Variants in DIPK1B observed in about 807,000 individuals in gnomAD.
DIPK1B encodes the protein divergent protein kinase domain 1B, also known as family with sequence similarity 69 member B.
A neutral mutation model predicts 20.7 loss-of-function variants in DIPK1B; 17 were observed. That is an observed-to-expected ratio of 0.82 (90% CI 0.56 to 1.23). The LOEUF is 1.23. DIPK1B is among the 50% of genes most tolerant of loss of function. DIPK1B has a pLI of 0.00. For synonymous variants in DIPK1B, 343 were observed against 276.5 expected (o/e 1.24, Z -2.39); for missense variants, 648 against 601.8 (o/e 1.08, Z -0.80).
intron 1 of DIPK1B, among the ~76,000 whole-genome samples, chr9:136,717,110 T>G (rs1249188111): frequency 1.3e-5 from 2 of 151,724 alleles, no homozygotes; most frequent in African/African-American, 4.8e-5. Flanking sequence ...ATGCCTGTAG[T>G]CCCAGTTACT....
chr9:136,717,238 A>C (rs1846511384), intron 1 of DIPK1B, among the ~76,000 whole-genome samples: 1 of 152,098 alleles, frequency 6.6e-6, no homozygotes, highest in Non-Finnish European at 1.5e-5. Context: ...CAAAAAAAAA[A>C]AAAAAATTTC....
chr9:136,719,012 C>T (rs1846547198), intron 2 of DIPK1B, among the ~76,000 whole-genome samples: 1 of 152,116 alleles, frequency 6.6e-6, no homozygotes, highest in Admixed American at 6.5e-5. Context: ...CTGAGCCCAG[C>T]AGGGCCGGAG....
At chr9:136,719,361 C>T (rs544469501) in intron 2 of DIPK1B, among the ~76,000 whole-genome samples, 5 of 152,294 alleles carry the variant, frequency 3.3e-5, no homozygotes, top group South Asian at 2.1e-4. Flanking sequence ...CCAGCTCTCC[C>T]GAAGCCACCC....
chr9:136,712,814 GGGGCCCC>G lies in DIPK1B; in HGVS notation c.63+90_63+96del, dbSNP rs965398303. 76 of 997,938 alleles carry G rather than the reference GGGGCCCC, an allele frequency of 7.6e-5. No individual in the cohort carries two copies. The highest frequency in any genetic ancestry group is 9.1e-5 in the Non-Finnish European group (71 of 777,334). 61.8% of individuals were successfully genotyped at this position (997,938 alleles called of 1,614,324 possible). ...CCCCGGAGTGGGCCGAGTACGGAGCGGGGCCCCGGGTTCGGACACGAAGGGTTCATGA... is the reference window on the plus strand; with the variant it reads ...CCCCGGAGTGGGCCGAGTACGGAGCGGGGTTCGGACACGAAGGGTTCATGA... On this transcript the variant is annotated intron_variant, in intron 1 of 4. Coordinates refer to ENST00000371692, the MANE Select transcript of DIPK1B (RefSeq NM_152421.4). The surrounding 1 kb of genome is among the most constrained non-coding windows in gnomAD (Gnocchi z 5.6).
Position 136,712,688 on chromosome 9 carries a change from C to A in DIPK1B, c.23C>A (p.Ala8Glu). ...ACCATGCGGCGGCTGCGGCGCCTGG[C>A]GCACCTGGTGCTCTTCTGCCCCTTC... is the stretch of plus-strand genomic sequence containing the variant. MRRLRRL[A>E]HLVLFCPFSK... The change falls in exon 1 of 5, where the codon GCG becomes GAG. Residue 8 changes from alanine to glutamate, a missense_variant. Transcript: ENST00000371692. The surrounding 1 kb of genome is among the most constrained non-coding windows in gnomAD (Gnocchi z 5.6). 3.0e-6 allele frequency: 4 copies of A among 1,327,914 alleles called. No individual in the cohort carries two copies. The highest frequency in any genetic ancestry group is 3.8e-6 in the Non-Finnish European group (4 of 1,039,476). 82.3% of individuals were successfully genotyped at this position (1,327,914 alleles called of 1,614,324 possible). A position where few individuals can be genotyped will look rare whatever the true frequency, so the allele number is the denominator to read the frequency against.
At chr9:136,722,918 A>G (rs2131048633) in intron 4 of DIPK1B, 44 bp from the exon 5 acceptor site, 3 of 1,540,856 alleles carry the variant, frequency 1.9e-6, no homozygotes, top group Non-Finnish European at 2.6e-6. Context: ...GCTCCCAGAC[A>G]TCAAATCAGC....
chr9:136,720,396 G>T (rs931485589), intron 2 of DIPK1B, among the ~76,000 whole-genome samples: 2 of 152,098 alleles, frequency 1.3e-5, no homozygotes, highest in African/African-American at 4.8e-5. Flanking sequence ...GTGTTCCGCA[G>T]CTCCCTTCCC....
Position 136,720,643 on chromosome 9 carries a change from G to A in DIPK1B, c.199-1278G>A, listed in dbSNP as rs138353252. ...AAGTCTCCCTGGGGGTCTGGCTAAG[G>A]AGGGGGCCTGTGGGACAGGGAAGGA... On this transcript the variant is annotated intron_variant, in intron 2 of 4. Transcript: ENST00000371692. Among the ~76,000 whole-genome samples, 17 of 152,320 alleles carry A rather than the reference G, an allele frequency of 1.1e-4. No homozygotes were observed. In the East Asian group the frequency reaches 3.3e-3, roughly 29 times the overall value.
intron 1 of DIPK1B, among the ~76,000 whole-genome samples, chr9:136,713,213 G>C (rs1846450880): frequency 6.6e-6 from 1 of 152,074 alleles, no homozygotes; most frequent in Non-Finnish European, 1.5e-5. Flanking sequence ...GGGCCTGGCC[G>C]GGTCCGCAGG....
At position 136,717,573 on chromosome 9, in the gene DIPK1B, A is replaced by AGGGAGC. The variant is rs771319578; in HGVS notation, c.64-4_64-3insGGGAGC. On this transcript the variant is annotated splice_region_variant and splice_polypyrimidine_tract_variant and intron_variant, in intron 1 of 4. Transcript: ENST00000371692. ...ACCTCCTCACGCAGCCCCTTCCCCC[A>AGGGAGC]CAGGGCCGGCTCCCAGGCCTCAGGG... 1 of 1,598,174 alleles carries AGGGAGC rather than the reference A, an allele frequency of 6.3e-7. No homozygotes were observed. The highest frequency in any genetic ancestry group is 1.1e-5 in the South Asian group (1 of 90,916).
intron 4 of DIPK1B, 86 bp downstream of exon 4, chr9:136,722,387 C>CCTTTGTGCTGG: frequency 6.9e-7 from 1 of 1,444,696 alleles, no homozygotes; most frequent in Non-Finnish European, 9.4e-7. Context: ...ACATGCCCAG[C>CCTTTGTGCTGG]GCAAAGGCAC....
Position 136,723,940 on chromosome 9 carries a change from C to A in DIPK1B, c.*166C>A. The A allele has an allele frequency of 1.4e-6, 1 of 722,462 alleles. No individual in the cohort carries two copies. The highest frequency in any genetic ancestry group is 2.2e-6 in the Non-Finnish European group (1 of 448,174). 44.8% of individuals were successfully genotyped at this position (722,462 alleles called of 1,614,324 possible). A position where few individuals can be genotyped will look rare whatever the true frequency, so the allele number is the denominator to read the frequency against. On this transcript the variant is annotated 3_prime_UTR_variant, in exon 5 of 5. Coordinates refer to ENST00000371692, the MANE Select transcript of DIPK1B (RefSeq NM_152421.4). ...CAGCACCACAGACATGAGACCCCAGCTCGGAGCAAAGGCGGACATGGACAT... is the reference window on the plus strand; with the variant it reads ...CAGCACCACAGACATGAGACCCCAGATCGGAGCAAAGGCGGACATGGACAT...
rs1382988252 is a variant in DIPK1B, at chr9:136,718,167, CCTGGG to C, written c.198+457_198+461del. ...GACCCCCGTGTGCTGGCCTCACTGG[CCTGGG>C]ATAGAGACCACCGTGTGCTGGCCTC... On this transcript the variant is annotated intron_variant, in intron 2 of 4. Transcript: ENST00000371692. 2.3e-4 allele frequency among the ~76,000 whole-genome samples: 7 copies of C among 30,492 alleles called. 1 individual carries two copies. The highest frequency in any genetic ancestry group is 4.9e-4 in the Non-Finnish European group (6 of 12,282). 20.0% of individuals were successfully genotyped at this position (30,492 alleles called of 152,430 possible). A position where few individuals can be genotyped will look rare whatever the true frequency, so the allele number is the denominator to read the frequency against.
chr9:136,722,034 G>A lies in DIPK1B; in HGVS notation c.306+6G>A. ...CGGTGGCCCCGGGCCAGCAGGTATA[G>A]CCACTGGCAGGGCGGGTGGGCCTGG... On this transcript the variant is annotated splice_donor_region_variant and intron_variant, in intron 3 of 4. Coordinates refer to ENST00000371692, the MANE Select transcript of DIPK1B (RefSeq NM_152421.4). 1 of 1,613,460 alleles carries A rather than the reference G, an allele frequency of 6.2e-7. No individual in the cohort carries two copies. The highest frequency in any genetic ancestry group is 8.5e-7 in the Non-Finnish European group (1 of 1,179,922).
intron 2 of DIPK1B, among the ~76,000 whole-genome samples, chr9:136,719,178 T>G (rs1003288671): frequency 1.3e-5 from 2 of 151,988 alleles, no homozygotes; most frequent in African/African-American, 4.8e-5. Context: ...GAGCAGAGGA[T>G]TCACGTGGCC....
rs1403702956 is a variant in DIPK1B at position 136,723,779 on chromosome 9, G to A, written c.*5G>A. The A allele has an allele frequency of 6.5e-7, 1 of 1,533,130 alleles. No homozygotes were observed. The highest frequency in any genetic ancestry group is 8.7e-7 in the Non-Finnish European group (1 of 1,145,982). The allele number at this position is 1,533,130 out of a possible 1,614,324, so 95.0% of individuals were successfully genotyped here. On this transcript the variant is annotated 3_prime_UTR_variant, in exon 5 of 5. Coordinates refer to ENST00000371692, the MANE Select transcript of DIPK1B (RefSeq NM_152421.4). ...TCCAACACCAAGTACTCTTGATGGG[G>A]CAGTGAGGGGCCTGGCCACCCTTCC...
intron 2 of DIPK1B, 108 bp downstream of exon 2, chr9:136,717,819 A>T: frequency 6.6e-7 from 1 of 1,517,628 alleles, no homozygotes; most frequent in Admixed American, 1.9e-5. Context: ...AGGGCCCACG[A>T]GGCACGTGGG....
At position 136,722,898 on chromosome 9, in the gene DIPK1B, G is replaced by C. The variant is rs1488814805; in HGVS notation, c.484-64G>C. The C allele has an allele frequency of 4.1e-6, 6 of 1,479,980 alleles. No individual in the cohort carries two copies. The Admixed American group carries it at 1.3e-4, about 32-fold the overall frequency. 91.7% of individuals were successfully genotyped at this position (1,479,980 alleles called of 1,614,324 possible). Reference sequence around the variant, plus strand: ...ACCCCGCCAGGAGGACCAGGTAAAGGCCAGGTCGTGCTCCCAGACATCAAA... The same window carrying C: ...ACCCCGCCAGGAGGACCAGGTAAAGCCCAGGTCGTGCTCCCAGACATCAAA... On this transcript the variant is annotated intron_variant, in intron 4 of 4. Transcript: ENST00000371692.
intron 3 of DIPK1B, 37 bp downstream of exon 3, chr9:136,722,065 A>C (rs771204811): frequency 5.6e-6 from 9 of 1,613,236 alleles, no homozygotes; most frequent in Non-Finnish European, 7.6e-6. Flanking sequence ...CCTGGGGCTG[A>C]TACTGCCCGT....
Sources: gnomAD v4.1 joint callset for allele counts (sites outside exome capture counted in the v4.1 genomes callset) on GRCh38, gnomAD v4.1.1 for gene constraint, Gnocchi (gnomAD v3.1) non-coding constraint, MANE v1.5 for transcripts, NCBI Gene and HGNC (gene_info 2026-07-23, HGNC 2026-07-21) for gene names.